Variants in TMX3 observed in about 807,000 individuals in gnomAD.
TMX3 encodes the protein protein disulfide-isomerase TMX3.
A neutral mutation model predicts 64.4 loss-of-function variants in TMX3; 40 were observed. The ratio of observed to expected loss-of-function variants is 0.62; its 90% CI spans 0.48 to 0.81. TMX3 has a LOEUF of 0.81. TMX3 is among the 30% of genes least tolerant of loss of function. The probability of loss-of-function intolerance (pLI) is 0.00; values close to 1 mark genes in which losing one functional copy is unlikely to be tolerated. For missense variants in TMX3, 497 were observed against 534.5 expected (o/e 0.93, Z 0.69); for synonymous variants, 189 against 175.7 (o/e 1.08, Z -0.60).
At chr18:68,695,789 C>T (rs1050275264) in intron 8 of TMX3, among the ~76,000 whole-genome samples, 9 of 152,188 alleles carry the variant, frequency 5.9e-5, no homozygotes, top group Admixed American at 1.3e-4. Context: ...ACGCACTCTG[C>T]GCTTAGCACA....
At chr18:68,691,143 T>G (rs1455140752) in intron 9 of TMX3, 152 bp downstream of exon 9, 4 of 437,182 alleles carry the variant, frequency 9.1e-6, no homozygotes, top group African/African-American at 4.1e-5. Flanking sequence ...AGTTGAAGGG[T>G]GAAAAAAAAC....
At chr18:68,706,721 A>C (rs1349241161) in intron 4 of TMX3, among the ~76,000 whole-genome samples, 1 of 152,208 alleles carries the variant, frequency 6.6e-6, no homozygotes, top group African/African-American at 2.4e-5. Flanking sequence ...AGATGACTTG[A>C]AAGTAATTCC....
intron 4 of TMX3, among the ~76,000 whole-genome samples, chr18:68,707,303 G>C (rs898812253): frequency 1.3e-5 from 2 of 151,846 alleles, no homozygotes; most frequent in Non-Finnish European, 2.9e-5. Flanking sequence ...GGATGGTGGA[G>C]GTTTATCCAT....
intron 5 of TMX3, 150 bp downstream of exon 5, chr18:68,701,595 C>T (rs751308374): frequency 1.3e-6 from 2 of 1,506,482 alleles, no homozygotes; most frequent in Non-Finnish European, 1.8e-6. Context: ...AAGAAGCAGT[C>T]CCTCTCCTTT....
intron 9 of TMX3, among the ~76,000 whole-genome samples, chr18:68,690,751 T>C (rs889145224): frequency 1.3e-5 from 2 of 152,212 alleles, no homozygotes; most frequent in Non-Finnish European, 2.9e-5. Context: ...TTAACTTCGG[T>C]GATGGGTATG....
chr18:68,677,343 A>C, intron 15 of TMX3, 150 bp from the exon 16 acceptor site: 1 of 797,932 alleles, frequency 1.3e-6, no homozygotes, highest in Non-Finnish European at 1.9e-6. Flanking sequence ...AGTAACTACC[A>C]TGTGAAAGAC....
rs1912779237 is a variant in TMX3 at position 68,674,591 on chromosome 18, T to C, written c.*2342A>G. ...TCACTTATTAAGAGATCTGTCTTTA[T>C]ATGGAAGTAATGTTTCACGGAATGA... On this transcript the variant is annotated 3_prime_UTR_variant, in exon 16 of 16. Transcript: ENST00000299608. The C allele has an allele frequency of 6.6e-6, 1 of 152,170 alleles. No individual in the cohort carries two copies. Among genetic ancestry groups the C allele is most frequent in the Non-Finnish European group, 1.5e-5 (1 of 68,000 alleles). 9.4% of individuals were successfully genotyped at this position (152,170 alleles called of 1,614,324 possible).
chr18:68,684,748 C>T (rs1204733448), intron 10 of TMX3, among the ~76,000 whole-genome samples: 1 of 152,080 alleles, frequency 6.6e-6, no homozygotes, highest in African/African-American at 2.4e-5. Context: ...AATTTATACA[C>T]TTAAATAGTA....
At chr18:68,707,977 A>G (rs1312364211) in intron 4 of TMX3, among the ~76,000 whole-genome samples, 2 of 149,338 alleles carry the variant, frequency 1.3e-5, no homozygotes, top group Non-Finnish European at 3.0e-5. Flanking sequence ...GTGTACATAT[A>G]TGTGTATGTG....
Position 68,676,424 on chromosome 18 carries a change from CATT to C in TMX3, c.*506_*508del, listed in dbSNP as rs1306978930. 4.6e-5 allele frequency: 7 copies of C among 153,330 alleles called. No homozygotes were observed. Among genetic ancestry groups the C allele is most frequent in the African/African-American group, 1.2e-4 (5 of 41,432 alleles). 9.5% of individuals were successfully genotyped at this position (153,330 alleles called of 1,614,324 possible). A position where few individuals can be genotyped will look rare whatever the true frequency, so the allele number is the denominator to read the frequency against. On this transcript the variant is annotated 3_prime_UTR_variant, in exon 16 of 16. Transcript: ENST00000299608. The stretch of plus-strand genomic sequence containing the variant: ...AAAACCACTATGCTATATAAAACCA[CATT>C]ATTTTTAACCTCATAATCTTGATAC...
chr18:68,682,997 CA>C lies in TMX3; in HGVS notation c.849-17del. 1 of 1,596,546 alleles carries C rather than the reference CA, an allele frequency of 6.3e-7. No individual in the cohort carries two copies. On this transcript the variant is annotated splice_polypyrimidine_tract_variant and intron_variant, in intron 12 of 15. Coordinates refer to ENST00000299608, the MANE Select transcript of TMX3 (RefSeq NM_019022.5). ...CTGAAAATCCCTAACCACCACCAACCAAAAATAAATAAATAAAAGGAGAGGG... is the reference window on the plus strand; with the variant it reads ...CTGAAAATCCCTAACCACCACCAACCAAAATAAATAAATAAAAGGAGAGGG...
At chr18:68,679,611 A>G (rs1213210767) in intron 14 of TMX3, 80 bp from the exon 15 acceptor site, 1 of 1,223,972 alleles carries the variant, frequency 8.2e-7, no homozygotes, top group African/African-American at 1.5e-5. Flanking sequence ...TTACAATTGC[A>G]GGCCAAATGG....
rs78508914 is a variant in TMX3, at chr18:68,700,967, A to G, written c.312-482T>C. 2.7e-3 allele frequency: 2,642 copies of G among 985,194 alleles called. 49 individuals carry two copies. In the East Asian group the frequency reaches 0.054, roughly 20 times the overall value. 61.0% of individuals were successfully genotyped at this position (985,194 alleles called of 1,614,324 possible). A position where few individuals can be genotyped will look rare whatever the true frequency, so the allele number is the denominator to read the frequency against. The stretch of plus-strand genomic sequence containing the variant: ...AAAAACAGCTCTTCTAGAAACGTAC[A>G]TAATTCTTCAAAAGCCAACCAATGA... On this transcript the variant is annotated intron_variant, in intron 5 of 15. Transcript: ENST00000299608.
Position 68,702,175 on chromosome 18 carries a change from C to CAAAA in TMX3, c.266-389_266-386dup, listed in dbSNP as rs375234012. Among the ~76,000 whole-genome samples the CAAAA allele has an allele frequency of 2.6e-3, 113 of 44,054 alleles. 20 individuals are homozygous for CAAAA. Among genetic ancestry groups the CAAAA allele is most frequent in the African/African-American group, 7.8e-3 (103 of 13,210 alleles). 28.9% of individuals were successfully genotyped at this position (44,054 alleles called of 152,430 possible). ...TCTTCTAGGTCTCATTTACTCCTCT[C>CAAAA]AAAAAAAAAAAAAAAAAAAAAAAAA... is the stretch of plus-strand genomic sequence containing the variant. On this transcript the variant is annotated intron_variant, in intron 4 of 15. Transcript: ENST00000299608.
In TMX3 at chr18:68,674,361, GA is replaced by G; in HGVS notation, c.*2571del. The G allele has an allele frequency of 6.6e-6, 1 of 152,118 alleles. No homozygotes were observed. The highest frequency in any genetic ancestry group is 1.5e-5 in the Non-Finnish European group (1 of 67,984). 9.4% of individuals were successfully genotyped at this position (152,118 alleles called of 1,614,324 possible). A position where few individuals can be genotyped will look rare whatever the true frequency, so the allele number is the denominator to read the frequency against. ...ATAAAAACATGCACTTTGTCTCGCT[GA>G]AATGTCCTTAAATATTGTCTGAGCA... is the stretch of plus-strand genomic sequence containing the variant. On this transcript the variant is annotated 3_prime_UTR_variant, in exon 16 of 16. Coordinates refer to ENST00000299608, the MANE Select transcript of TMX3 (RefSeq NM_019022.5).
rs567255540 is a variant in TMX3 at position 68,707,639 on chromosome 18, C to T, written c.265+2382G>A. Among the ~76,000 whole-genome samples the T allele has an allele frequency of 2.9e-4, 44 of 152,280 alleles. No individual in the cohort carries two copies. The South Asian group carries it at 3.1e-3, about 11-fold the overall frequency. On this transcript the variant is annotated intron_variant, in intron 4 of 15. Coordinates refer to ENST00000299608, the MANE Select transcript of TMX3 (RefSeq NM_019022.5). Reference sequence around the variant, plus strand: ...TGTTTATCTTCATAGTCCCACATTCCTTTATACATGACTCGATGACTCCAC... The same window carrying T: ...TGTTTATCTTCATAGTCCCACATTCTTTTATACATGACTCGATGACTCCAC...
chr18:68,702,226 T>C (rs1010062228), intron 4 of TMX3, among the ~76,000 whole-genome samples: 1 of 151,050 alleles, frequency 6.6e-6, no homozygotes, highest in East Asian at 1.9e-4. Context: ...TTAGTGTTTT[T>C]TGAGTTTTCA....
intron 10 of TMX3, chr18:68,687,235 G>A (rs111247467): frequency 4.1e-5 from 40 of 985,250 alleles, no homozygotes; most frequent in Middle Eastern, 5.2e-4. Flanking sequence ...TTGTGTTTGC[G>A]TTGCCTGTCA....
chr18:68,686,736 A>G, intron 10 of TMX3: 1 of 985,284 alleles, frequency 1.0e-6, no homozygotes, highest in Non-Finnish European at 1.2e-6. Flanking sequence ...GTAAAACCAC[A>G]GTCTTTGACA....
Sources: gnomAD v4.1 joint callset for allele counts (sites outside exome capture counted in the v4.1 genomes callset) on GRCh38, gnomAD v4.1.1 for gene constraint, MANE v1.5 for transcripts, NCBI Gene and HGNC (gene_info 2026-07-23, HGNC 2026-07-21) for gene names.